AFF3: variants seen among roughly 807,000 people sequenced by gnomAD.
AFF3 encodes the protein ALF transcription elongation factor 3.
A neutral mutation model predicts 129.7 loss-of-function variants in AFF3; 32 were observed. The ratio of observed to expected loss-of-function variants is 0.25; its 90% CI spans 0.19 to 0.33. The LOEUF (loss-of-function observed/expected upper bound fraction) is 0.33, where lower values mean the gene tolerates loss of function less well. AFF3 is among the 10% of genes least tolerant of loss of function. The pLI is 1.00. For synonymous variants in AFF3, 644 were observed against 635.4 expected, an observed-to-expected ratio of 1.01 and a Z score of -0.20; for missense variants, 1,373 against 1,592.0, an observed-to-expected ratio of 0.86 and a Z score of 2.34.
chr2:99,726,400 A>G (rs920743431), intron 11 of AFF3, among the ~76,000 whole-genome samples: 3 of 152,256 alleles, frequency 2.0e-5, no homozygotes, highest in Non-Finnish European at 2.9e-5. Flanking sequence ...AAGATTTTTA[A>G]GGAGCAAACC....
At chr2:100,043,561 G>T (rs781575150) in intron 4 of AFF3, among the ~76,000 whole-genome samples, 1 of 151,952 alleles carries the variant, frequency 6.6e-6, no homozygotes, top group Non-Finnish European at 1.5e-5. Context: ...TATCTTCAAA[G>T]AAATTGAACA....
chr2:100,124,527 A>C (rs1692106163), intron 2 of AFF3, among the ~76,000 whole-genome samples: 1 of 152,196 alleles, frequency 6.6e-6, no homozygotes. Flanking sequence ...TTCCAGAAAA[A>C]CAAGACTGAG....
At chr2:99,729,922 A>C (rs942590570) in intron 10 of AFF3, among the ~76,000 whole-genome samples, 1 of 152,136 alleles carries the variant, frequency 6.6e-6, no homozygotes, top group African/African-American at 2.4e-5. Flanking sequence ...GGTGCAGGGA[A>C]GCCATTTTAC....
At chr2:99,864,150 G>A (rs548256897) in intron 7 of AFF3, among the ~76,000 whole-genome samples, 4 of 152,280 alleles carry the variant, frequency 2.6e-5, no homozygotes, top group South Asian at 2.1e-4. Context: ...TAGCTTTCCC[G>A]TGCTTATGTG....
intron 7 of AFF3, among the ~76,000 whole-genome samples, chr2:99,943,103 G>A (rs569722666): frequency 1.2e-4 from 19 of 152,220 alleles, no homozygotes; most frequent in Middle Eastern, 3.4e-3. Flanking sequence ...ATTCCTGTTC[G>A]AGGTTTGCCC....
intron 7 of AFF3, among the ~76,000 whole-genome samples, chr2:99,904,029 CTGAAAACTCT>C (rs1447537214): frequency 6.6e-6 from 1 of 152,122 alleles, no homozygotes; most frequent in African/African-American, 2.4e-5. Context: ...TATCATTCAT[CTGAAAACTCT>C]TCTCTTTTCT....
intron 7 of AFF3, among the ~76,000 whole-genome samples, chr2:99,899,940 G>A (rs1694230280): frequency 6.6e-6 from 1 of 152,116 alleles, no homozygotes; most frequent in Non-Finnish European, 1.5e-5. Flanking sequence ...AGGATGGTGT[G>A]CACTCTGAAG....
chr2:99,573,528 A>G (rs1676701908), intron 18 of AFF3, among the ~76,000 whole-genome samples: 1 of 152,208 alleles, frequency 6.6e-6, no homozygotes, highest in South Asian at 2.1e-4. Flanking sequence ...AAGGATCTTA[A>G]TTGGTGTCCT....
At position 99,650,900 on chromosome 2, in the gene AFF3, A is replaced by G. The variant is rs1423475190; in HGVS notation, c.1144-1234T>C. On this transcript the variant is annotated intron_variant, in intron 12 of 24. Coordinates refer to ENST00000672756, the MANE Select transcript of AFF3 (RefSeq NM_001386135.1). ...AAAAAAGGCTCTATTTTGGCCGGGC[A>G]TGGTGGCTCACGCCTGTAATCCCAG... Among the ~76,000 whole-genome samples, 8 of 151,574 alleles carry G rather than the reference A, an allele frequency of 5.3e-5. No homozygotes were observed. The East Asian group carries it at 1.6e-3, about 30-fold the overall frequency.
intron 7 of AFF3, among the ~76,000 whole-genome samples, chr2:99,891,749 G>T (rs935732943): frequency 6.6e-6 from 1 of 152,110 alleles, no homozygotes; most frequent in Non-Finnish European, 1.5e-5. Flanking sequence ...TTTTCCCAGG[G>T]TCCCACAGCT....
chr2:99,975,961 G>A (rs1678849727), intron 7 of AFF3, among the ~76,000 whole-genome samples: 1 of 151,412 alleles, frequency 6.6e-6, no homozygotes, highest in Non-Finnish European at 1.5e-5. Context: ...AATTAAGAAG[G>A]CCCAAGAAGG....
In AFF3 at chr2:100,079,282, C is replaced by T. The variant is rs139670377; in HGVS notation, c.53+25120G>A. On this transcript the variant is annotated intron_variant, in intron 4 of 24. Transcript: ENST00000672756. ...ATTTTCAATCCAAGTTTGGTTGAAT[C>T]CACAGATGTGGAAACCGCAGATATG... 5.4e-3 allele frequency among the ~76,000 whole-genome samples: 826 copies of T among 152,262 alleles called. 1 individual carries two copies. Among genetic ancestry groups the T allele is most frequent in the Middle Eastern group, 0.01 (3 of 292 alleles).
At chr2:99,992,164 G>A (rs367665843) in intron 7 of AFF3, among the ~76,000 whole-genome samples, 5 of 152,016 alleles carry the variant, frequency 3.3e-5, no homozygotes, top group African/African-American at 1.2e-4. Flanking sequence ...TCTAAGGAAA[G>A]AATGGTTTAA....
intron 10 of AFF3, among the ~76,000 whole-genome samples, chr2:99,738,072 T>C (rs552240850): frequency 6.6e-6 from 1 of 152,296 alleles, no homozygotes; most frequent in African/African-American, 2.4e-5. Flanking sequence ...GGCTCTAATT[T>C]CACATTCTAG....
chr2:99,705,179 C>T (rs1445888437), intron 11 of AFF3, among the ~76,000 whole-genome samples: 2 of 152,108 alleles, frequency 1.3e-5, no homozygotes, highest in African/African-American at 4.8e-5. Flanking sequence ...GGCAACTAAA[C>T]CATGGAGGCC....
intron 3 of AFF3, chr2:100,104,739 C>A: frequency 2.5e-5 from 24 of 965,958 alleles, no homozygotes; most frequent in Non-Finnish European, 2.8e-5. Flanking sequence ...CCGCCCCCCG[C>A]CCCCGGCCCT....
At chr2:99,950,577 G>A (rs1363538447) in intron 7 of AFF3, among the ~76,000 whole-genome samples, 2 of 152,084 alleles carry the variant, frequency 1.3e-5, no homozygotes, top group East Asian at 1.9e-4. Flanking sequence ...TGAAAATTTA[G>A]AGGGATTTTT....
intron 20 of AFF3, 142 bp downstream of exon 20, chr2:99,565,345 G>T: frequency 8.2e-7 from 1 of 1,224,806 alleles, no homozygotes; most frequent in Non-Finnish European, 1.1e-6. Flanking sequence ...CGCCTTGCAC[G>T]ACCTTACCCT....
rs547077084 is a variant in AFF3 at position 99,708,895 on chromosome 2, T to C, written c.1091+18182A>G. ...TTAGAGACACATTGATATTCAGTAT[T>C]TTGGAACTATTTTGAAGTTTAATAG... is the stretch of plus-strand genomic sequence containing the variant. On this transcript the variant is annotated intron_variant, in intron 11 of 24. Coordinates refer to ENST00000672756, the MANE Select transcript of AFF3 (RefSeq NM_001386135.1). Among the ~76,000 whole-genome samples, 9 of 152,314 alleles carry C rather than the reference T, an allele frequency of 5.9e-5. No homozygotes were observed. In the East Asian group the frequency reaches 1.7e-3, roughly 29 times the overall value.
Sources: gnomAD v4.1 joint callset for allele counts (sites outside exome capture counted in the v4.1 genomes callset) on GRCh38, gnomAD v4.1.1 for gene constraint, MANE v1.5 for transcripts, NCBI Gene and HGNC (gene_info 2026-07-23, HGNC 2026-07-21) for gene names.